The following NEXMIF variants were observed in gnomAD, a reference collection of about 807,000 sequenced individuals.
NEXMIF encodes neurite extension and migration factor.
NEXMIF carries 8 observed loss-of-function variants against 62.1 expected under a neutral mutation model. The observed-to-expected ratio is 0.13, with a 90% CI of 0.08 to 0.23. The LOEUF (loss-of-function observed/expected upper bound fraction) is 0.23. NEXMIF is among the 10% of genes least tolerant of loss of function. The pLI, the probability that NEXMIF is intolerant of heterozygous loss-of-function variation, is 1.00. For missense variants in NEXMIF, 976 were observed against 1,113.3 expected, an observed-to-expected ratio of 0.88 and a Z score of 1.75; for synonymous variants, 404 against 416.6, an observed-to-expected ratio of 0.97 and a Z score of 0.37.
intron 1 of NEXMIF, among the ~76,000 whole-genome samples, chrX:74,869,398 T>A (rs1232865989): frequency 1.8e-5 from 2 of 112,174 alleles, no homozygotes; most frequent in African/African-American, 6.5e-5. Flanking sequence ...AAGCATTTCC[T>A]CTAAGATCTG....
chrX:74,840,575 A>G (rs2080470730), intron 1 of NEXMIF, among the ~76,000 whole-genome samples: 1 of 111,819 alleles, frequency 8.9e-6, no homozygotes, highest in Admixed American at 9.5e-5. Context: ...TATGTCTAGG[A>G]TGGTATTGCC....
chrX:74,872,953 A>T (rs370423485), intron 1 of NEXMIF, among the ~76,000 whole-genome samples: 278 of 108,487 alleles, frequency 2.6e-3, no homozygotes, highest in Admixed American at 4.0e-3. Context: ...TTTAGTTTTT[A>T]TTTTTTTTAA....
chrX:74,784,632 A>T (rs770444131), intron 1 of NEXMIF, among the ~76,000 whole-genome samples: 5 of 110,226 alleles, frequency 4.5e-5, no homozygotes, highest in Non-Finnish European at 9.5e-5. Context: ...ATATATATAC[A>T]CACATACAAT....
chrX:74,886,200 T>C (rs1445572564), intron 1 of NEXMIF, among the ~76,000 whole-genome samples: 1 of 111,684 alleles, frequency 9.0e-6, no homozygotes, highest in African/African-American at 3.3e-5. Context: ...TCATACTGAA[T>C]GGACAAAAAC....
chrX:74,847,776 A>C (rs2080497411), intron 1 of NEXMIF, among the ~76,000 whole-genome samples: 1 of 111,573 alleles, frequency 9.0e-6, no homozygotes, highest in Non-Finnish European at 1.9e-5. Flanking sequence ...AAAAGTATCC[A>C]TGTCAACTCA....
intron 1 of NEXMIF, among the ~76,000 whole-genome samples, chrX:74,827,811 A>G (rs2080423365): frequency 9.0e-6 from 1 of 111,728 alleles, no homozygotes; most frequent in East Asian, 2.8e-4. Flanking sequence ...CTAGTACACC[A>G]CTGGATATAG....
At chrX:74,824,652 GT>G (rs769952087) in intron 1 of NEXMIF, among the ~76,000 whole-genome samples, 37 of 99,604 alleles carry the variant, frequency 3.7e-4, no homozygotes, top group Non-Finnish European at 4.5e-4. Context: ...TCTGCTTTTA[GT>G]TTTTTTTTTT....
chrX:74,925,250 G>T lies in NEXMIF; in HGVS notation c.-415C>A. ...CTCGCCCCGGCTGGAGCTACCTAGC[G>T]AGCGGGCTGCGCGCTCGGCGCCTGG... On this transcript the variant is annotated 5_prime_UTR_variant, in exon 1 of 4. Coordinates refer to ENST00000055682, the MANE Select transcript of NEXMIF (RefSeq NM_001008537.3). The T allele has an allele frequency of 8.4e-6, 1 of 119,217 alleles. No homozygotes were observed. The highest frequency in any genetic ancestry group is 2.6e-4 in the South Asian group (1 of 3,784). 9.8% of individuals were successfully genotyped at this position (119,217 alleles called of 1,213,427 possible).
intron 1 of NEXMIF, among the ~76,000 whole-genome samples, chrX:74,794,030 C>T (rs1456621996): frequency 1.2e-5 from 1 of 85,473 alleles, no homozygotes; most frequent in Non-Finnish European, 2.3e-5. Flanking sequence ...GAACTGCGTT[C>T]CTTTGGAGGA....
At chrX:74,896,560 T>C (rs1019428706) in intron 1 of NEXMIF, among the ~76,000 whole-genome samples, 1 of 111,806 alleles carries the variant, frequency 8.9e-6, no homozygotes, top group African/African-American at 3.2e-5. Context: ...GAGAGAAAAG[T>C]TTTCTAGCTC....
At chrX:74,875,469 T>C (rs1462822114) in intron 1 of NEXMIF, among the ~76,000 whole-genome samples, 1 of 111,935 alleles carries the variant, frequency 8.9e-6, no homozygotes, top group Non-Finnish European at 1.9e-5. Flanking sequence ...TTTGGTTGTG[T>C]CTCTGCCAGG....
rs1393189842 is a variant in NEXMIF, at chrX:74,740,767, G to A, written c.3790C>T (p.His1264Tyr). Residue 1264 changes from histidine (H) to tyrosine (Y), a missense_variant, in exon 3 of 4, where the codon CAT becomes TAT. This residue lies in a region of NEXMIF where 639 missense variants were observed against 694.5 expected (regional missense o/e 0.92). Transcript: ENST00000055682. ...TTCATAGAGGCCATAGGGCCACCAT[G>A]TTGGATACATTCAGCCAATGTCTTC... ...TGKTLAECIQ[H>Y]GGPMASMKMP... 1 of 1,210,697 alleles carries A rather than the reference G, an allele frequency of 8.3e-7. No individual in the cohort carries two copies. The highest frequency in any genetic ancestry group is 1.7e-5 in the African/African-American group (1 of 57,513).
intron 1 of NEXMIF, among the ~76,000 whole-genome samples, chrX:74,872,277 C>G (rs1453210909): frequency 1.8e-5 from 2 of 110,975 alleles, no homozygotes; most frequent in Non-Finnish European, 3.8e-5. Context: ...TTTGCAACAG[C>G]ATGGATGGAA....
At chrX:74,807,977 A>G (rs2080349917) in intron 1 of NEXMIF, among the ~76,000 whole-genome samples, 1 of 112,191 alleles carries the variant, frequency 8.9e-6, no homozygotes, top group Non-Finnish European at 1.9e-5. Context: ...AGCTTTTATT[A>G]TGAATAGGTG....
chrX:74,880,562 T>A (rs2080658817), intron 1 of NEXMIF, among the ~76,000 whole-genome samples: 1 of 112,027 alleles, frequency 8.9e-6, no homozygotes, highest in African/African-American at 3.2e-5. Context: ...AGGGCCACAA[T>A]GAATGCAAGC....
chrX:74,896,249 G>T (rs1045284583), intron 1 of NEXMIF, among the ~76,000 whole-genome samples: 1 of 111,818 alleles, frequency 8.9e-6, no homozygotes, highest in East Asian at 2.8e-4. Flanking sequence ...AAGTTGAAAA[G>T]CTCTCAGCCC....
chrX:74,858,698 C>T lies in NEXMIF; in HGVS notation c.-48+66185G>A, dbSNP rs188974726. ...ACTAAATTAGGCACCAGGGGCCAAT[C>T]CTGGAGAAACAGATATGTGAACATT... On this transcript the variant is annotated intron_variant, in intron 1 of 3. Coordinates refer to ENST00000055682, the MANE Select transcript of NEXMIF (RefSeq NM_001008537.3). Among the ~76,000 whole-genome samples the T allele has an allele frequency of 4.0e-3, 443 of 110,977 alleles. 3 individuals are homozygous for T. The highest frequency in any genetic ancestry group is 6.4e-3 in the Admixed American group (66 of 10,374).
At chrX:74,904,526 AG>A (rs1462001239) in intron 1 of NEXMIF, among the ~76,000 whole-genome samples, 1 of 112,083 alleles carries the variant, frequency 8.9e-6, no homozygotes, top group African/African-American at 3.2e-5. Context: ...GAAAAAAGCA[AG>A]ATAGGGTACA....
intron 1 of NEXMIF, among the ~76,000 whole-genome samples, chrX:74,804,866 G>A (rs749850953): frequency 1.3e-4 from 15 of 111,771 alleles, no homozygotes; most frequent in Non-Finnish European, 2.1e-4. Context: ...TTTATTTAGA[G>A]CCCCAGAGCA....
Sources: allele counts gnomAD v4.1 joint callset (sites outside exome capture counted in the v4.1 genomes callset), GRCh38; gene constraint gnomAD v4.1.1; regional missense constraint gnomAD v4.1.1; transcripts MANE v1.5; gene names NCBI Gene and HGNC (gene_info 2026-07-23, HGNC 2026-07-21).